CPNE3: variants seen among roughly 807,000 people sequenced by gnomAD.
CPNE3 encodes copine-3.
CPNE3 carries 68 observed loss-of-function variants against 63.9 expected under a neutral mutation model. The ratio of observed to expected loss-of-function variants is 1.06; its 90% CI spans 0.87 to 1.30. CPNE3 has a LOEUF of 1.30. CPNE3 is among the 50% of genes most tolerant of loss of function. The pLI, the probability that CPNE3 is intolerant of heterozygous loss-of-function variation, is 0.00. For synonymous variants in CPNE3, 219 were observed against 197.5 expected (o/e 1.11, Z -0.91); for missense variants, 665 against 578.1 (o/e 1.15, Z -1.54).
In CPNE3 at chr8:86,556,128, T is replaced by C. The variant is rs1403295764; in HGVS notation, c.1281T>C (p.Thr427=). ...ASQYFVLLII[T]DGVITDLDET... ...AATATTTTGTGCTTTTGATTATTACTGATGGTGTGATCACAGACCTTGATG... is the reference window on the plus strand; with the variant it reads ...AATATTTTGTGCTTTTGATTATTACCGATGGTGTGATCACAGACCTTGATG... Residue 427 remains threonine (T), a synonymous_variant, in exon 16 of 17, where the codon ACT becomes ACC. Coordinates refer to ENST00000517490, the MANE Select transcript of CPNE3 (RefSeq NM_003909.5). 2 of 872,912 alleles carry C rather than the reference T, an allele frequency of 2.3e-6. No individual in the cohort carries two copies. The highest frequency in any genetic ancestry group is 3.3e-5 in the African/African-American group (2 of 61,342). The allele number at this position is 872,912 out of a possible 1,614,324, so 54.1% of individuals were successfully genotyped here.
Position 86,554,901 on chromosome 8 carries a change from C to T in CPNE3, c.1171C>T (p.Leu391Phe), listed in dbSNP as rs1490320241. ...AYRSCLPQIK[L>F]YGPTNFSPII... ...TCGGTCTTGTCTTCCTCAGATAAAA[C>T]TCTATGGACCAACTAATTTTTCTCC... The change falls in exon 15 of 17, where the codon CTC becomes TTC. Residue 391 changes from leucine (L) to phenylalanine (F), a missense_variant. Leu to Phe is a conservative substitution (Grantham distance 22, BLOSUM62 0). Coordinates refer to ENST00000517490, the MANE Select transcript of CPNE3 (RefSeq NM_003909.5). The T allele has an allele frequency of 6.2e-7, 1 of 1,614,120 alleles. No individual in the cohort carries two copies. The highest frequency in any genetic ancestry group is 1.1e-5 in the South Asian group (1 of 91,080).
rs1266488028 is a variant in CPNE3, at chr8:86,544,770, T to C, written c.664T>C (p.Ser222Pro). The C allele has an allele frequency of 1.9e-6, 3 of 1,564,554 alleles. No individual in the cohort carries two copies. The highest frequency in any genetic ancestry group is 2.6e-6 in the Non-Finnish European group (3 of 1,153,664). The change falls in exon 9 of 17, where the codon TCA (serine) becomes CCA (proline). Residue 222 changes from serine to proline, a missense_variant. By Grantham distance (74) the Ser-to-Pro change is moderately conservative. Transcript: ENST00000517490. ...GTGTTATGATTATGACAATGATGGG[T>C]CACATGATCTCATTGGAACATTTCA... The part of the protein sequence containing the change: ...VECYDYDNDG[S>P]HDLIGTFQTT...
intron 12 of CPNE3, among the ~76,000 whole-genome samples, chr8:86,549,490 A>G (rs1181018136): frequency 6.6e-6 from 1 of 152,208 alleles, no homozygotes; most frequent in Admixed American, 6.5e-5. Context: ...ACCCATGCAT[A>G]TAAGTGAATT....
chr8:86,554,527 A>G (rs1233824261), intron 14 of CPNE3, among the ~76,000 whole-genome samples: 1 of 152,108 alleles, frequency 6.6e-6, no homozygotes, highest in Non-Finnish European at 1.5e-5. Flanking sequence ...AACCTTTTTC[A>G]TGGTTTTCTA....
At chr8:86,517,185 T>C (rs1365674080) in intron 2 of CPNE3, among the ~76,000 whole-genome samples, 1 of 152,224 alleles carries the variant, frequency 6.6e-6, no homozygotes, top group East Asian at 1.9e-4. Context: ...CTTAGCAGTA[T>C]GCAATCATAA....
chr8:86,550,388 C>T (rs971122711), intron 12 of CPNE3, among the ~76,000 whole-genome samples: 2 of 152,138 alleles, frequency 1.3e-5, no homozygotes, highest in African/African-American at 2.4e-5. Context: ...ATATTTCTGA[C>T]ATGGCATAGG....
chr8:86,541,441 G>A (rs1016742176), intron 8 of CPNE3, among the ~76,000 whole-genome samples: 2 of 151,928 alleles, frequency 1.3e-5, no homozygotes, highest in Non-Finnish European at 2.9e-5. Context: ...TGGTGGCTCA[G>A]GCCTATAATC....
intron 5 of CPNE3, among the ~76,000 whole-genome samples, chr8:86,531,815 T>C (rs1820690012): frequency 1.3e-5 from 2 of 152,238 alleles, no homozygotes; most frequent in South Asian, 2.1e-4. Flanking sequence ...CCTTATCTTC[T>C]AGAGTGTCTG....
chr8:86,536,862 G>T (rs559635097), intron 6 of CPNE3, among the ~76,000 whole-genome samples: 8 of 152,196 alleles, frequency 5.3e-5, no homozygotes, highest in Admixed American at 2.6e-4. Flanking sequence ...GTGGTTATGT[G>T]TGTATTGAGG....
At chr8:86,556,438 T>C (rs1001860877) in intron 16 of CPNE3, 100 bp downstream of exon 16, 1 of 774,916 alleles carries the variant, frequency 1.3e-6, no homozygotes, top group African/African-American at 1.7e-5. Context: ...GGTTAGAGGA[T>C]GTGTGAACAC....
chr8:86,552,344 T>C (rs1164255540), intron 14 of CPNE3, among the ~76,000 whole-genome samples: 1 of 152,234 alleles, frequency 6.6e-6, no homozygotes, highest in Non-Finnish European at 1.5e-5. Flanking sequence ...TTTGAGGCAC[T>C]TTCAGTGACT....
chr8:86,550,695 A>C (rs1465997129), intron 12 of CPNE3, among the ~76,000 whole-genome samples: 1 of 152,242 alleles, frequency 6.6e-6, no homozygotes, highest in Non-Finnish European at 1.5e-5. Flanking sequence ...GCCATCAATT[A>C]GTAAAAAAAG....
intron 7 of CPNE3, among the ~76,000 whole-genome samples, chr8:86,539,660 G>GTTTTTTTTTTTTTTTT (rs369540210): frequency 1.8e-5 from 2 of 108,152 alleles, no homozygotes; most frequent in African/African-American, 3.8e-5. Flanking sequence ...ATCCTCCGCA[G>GTTTTTTTTTTTTTTTT]TTTTTTTTTT....
intron 11 of CPNE3, 70 bp downstream of exon 11, chr8:86,547,840 A>G (rs1821088762): frequency 1.3e-6 from 1 of 779,452 alleles, no homozygotes; most frequent in Non-Finnish European, 2.2e-6. Context: ...CTTTCACTGC[A>G]AAACTGACTT....
intron 8 of CPNE3, among the ~76,000 whole-genome samples, chr8:86,542,882 G>A (rs945084593): frequency 4.0e-5 from 6 of 151,812 alleles, no homozygotes; most frequent in South Asian, 2.1e-4. Flanking sequence ...AAATTTTAAC[G>A]TATGAATAGT....
At chr8:86,548,258 C>A (rs1253618668) in intron 11 of CPNE3, 43 bp from the exon 12 acceptor site, 1 of 1,607,210 alleles carries the variant, frequency 6.2e-7, no homozygotes, top group East Asian at 2.2e-5. Flanking sequence ...GCACAGGTGT[C>A]CCTGCCTTCT....
intron 13 of CPNE3, 31 bp downstream of exon 13, chr8:86,551,131 C>T (rs1821166063): frequency 1.2e-6 from 2 of 1,612,972 alleles, no homozygotes; most frequent in Non-Finnish European, 1.7e-6. Flanking sequence ...TAAAGCTTTG[C>T]CTCCTAGAAA....
intron 4 of CPNE3, among the ~76,000 whole-genome samples, chr8:86,530,387 C>G (rs2131445296): frequency 6.6e-6 from 1 of 152,258 alleles, no homozygotes. Context: ...CAAGGCTGGT[C>G]TTGAACTTGT....
chr8:86,515,812 C>T (rs1001863710), intron 2 of CPNE3, among the ~76,000 whole-genome samples: 60 of 152,104 alleles, frequency 3.9e-4, no homozygotes, highest in African/African-American at 1.4e-3. Flanking sequence ...CACATATATC[C>T]TGATGTCATT....
Sources: gnomAD v4.1 joint callset for allele counts (sites outside exome capture counted in the v4.1 genomes callset) on GRCh38, gnomAD v4.1.1 for gene constraint, MANE v1.5 for transcripts, NCBI Gene and HGNC (gene_info 2026-07-23, HGNC 2026-07-21) for gene names.